BAZ2B: variants seen among roughly 807,000 people sequenced by gnomAD.
BAZ2B encodes the protein bromodomain adjacent to zinc finger domain 2B, also known as bromodomain adjacent to zinc finger domain protein 2B.
Under a neutral mutation model 246.0 loss-of-function variants are expected in BAZ2B, and 91 were observed. The ratio of observed to expected loss-of-function variants is 0.37; its 90% CI spans 0.31 to 0.44. The LOEUF (loss-of-function observed/expected upper bound fraction) is 0.44, where lower values mean the gene tolerates loss of function less well. Among genes scored for constraint, BAZ2B ranks in the 20% least tolerant of loss-of-function variants. The pLI is 1.00. For missense variants in BAZ2B, 2,332 were observed against 2,533.7 expected (o/e 0.92, Z 1.71); for synonymous variants, 855 against 860.0 (o/e 0.99, Z 0.10).
chr2:159,563,319 T>C (rs1311316398), intron 1 of BAZ2B, among the ~76,000 whole-genome samples: 1 of 152,178 alleles, frequency 6.6e-6, no homozygotes, highest in Non-Finnish European at 1.5e-5. Flanking sequence ...ATATTCATTA[T>C]GTACCTTAGG....
chr2:159,358,502 A>C (rs979754316), intron 27 of BAZ2B, among the ~76,000 whole-genome samples: 1 of 152,236 alleles, frequency 6.6e-6, no homozygotes, highest in Non-Finnish European at 1.5e-5. Context: ...AGACTCCCAC[A>C]CAATAATAGT....
chr2:159,427,046 A>G (rs140146439), intron 13 of BAZ2B, among the ~76,000 whole-genome samples: 136 of 152,296 alleles, frequency 8.9e-4, no homozygotes, highest in African/African-American at 3.1e-3. Flanking sequence ...TAATCTTGCC[A>G]TAATCCTATG....
chr2:159,448,443 T>C lies in BAZ2B; in HGVS notation c.335-34A>G. 2.6e-6 allele frequency: 4 copies of C among 1,517,330 alleles called. No homozygotes were observed. In the South Asian group the frequency reaches 4.0e-5, roughly 15 times the overall value. The allele number at this position is 1,517,330 out of a possible 1,614,324, so 94.0% of individuals were successfully genotyped here. ...CAAACAAACCAACCAAACAAAAATA[T>C]ATAAATTAACTTTCCAGTTAACGTC... On this transcript the variant is annotated intron_variant, in intron 4 of 36. Transcript: ENST00000392783.
intron 1 of BAZ2B, among the ~76,000 whole-genome samples, chr2:159,604,932 T>TTTTGTG (rs1553749948): frequency 1.6e-5 from 2 of 123,246 alleles, no homozygotes; most frequent in Non-Finnish European, 3.7e-5. Context: ...TTAATATATT[T>TTTTGTG]TGTGTGTGTG....
intron 1 of BAZ2B, among the ~76,000 whole-genome samples, chr2:159,610,879 T>C (rs1169959860): frequency 6.6e-6 from 1 of 152,094 alleles, no homozygotes; most frequent in African/African-American, 2.4e-5. Flanking sequence ...AAACTCAATG[T>C]TTAACTGTAA....
At chr2:159,389,196 G>C (rs1470718123) in intron 21 of BAZ2B, 149 bp downstream of exon 21, 2 of 790,466 alleles carry the variant, frequency 2.5e-6, no homozygotes, top group Non-Finnish European at 3.8e-6. Flanking sequence ...TAGCTATCTA[G>C]GAAAGGCAAA....
chr2:159,486,519 AC>A (rs1021618920), intron 2 of BAZ2B, among the ~76,000 whole-genome samples: 1 of 151,784 alleles, frequency 6.6e-6, no homozygotes, highest in African/African-American at 2.4e-5. Flanking sequence ...GGAACAATAT[AC>A]CTCTTAAAGA....
At chr2:159,669,134 A>C in the BAZ2B span, among the ~76,000 whole-genome samples, 89 of 152,188 alleles carry the variant, frequency 5.8e-4, no homozygotes, top group Non-Finnish European at 7.8e-4. Flanking sequence ...ACATTCCTCA[A>C]GTTTTGATCT....
rs375735326 is a variant in BAZ2B, at chr2:159,558,503, G to A, written c.-45-2638C>T. 8.5e-5 allele frequency among the ~76,000 whole-genome samples: 13 copies of A among 152,056 alleles called. No individual in the cohort carries two copies. In the East Asian group the frequency reaches 1.4e-3, roughly 16 times the overall value. On this transcript the variant is annotated intron_variant, in intron 1 of 36. Transcript: ENST00000392783. ...TTGAACTCCTGACCTCAGGTGATCC[G>A]CCTACCTCGGCCTCCCAAAGTGCTG...
chr2:159,513,076 CCTCATA>C (rs1274182957), intron 2 of BAZ2B, among the ~76,000 whole-genome samples: 1 of 152,066 alleles, frequency 6.6e-6, no homozygotes, highest in East Asian at 1.9e-4. Flanking sequence ...TATTAATCTC[CCTCATA>C]CTCAGTTTCT....
the BAZ2B span, among the ~76,000 whole-genome samples, chr2:159,697,966 A>G: frequency 2.6e-5 from 4 of 152,212 alleles, no homozygotes; most frequent in African/African-American, 9.7e-5. Flanking sequence ...TTAGGTAAGT[A>G]ACTTTGCCTC....
At chr2:159,430,364 T>G (rs2070857584) in intron 10 of BAZ2B, among the ~76,000 whole-genome samples, 1 of 152,242 alleles carries the variant, frequency 6.6e-6, no homozygotes, top group Non-Finnish European at 1.5e-5. Flanking sequence ...AACATTTTTC[T>G]TTTCTCTTTA....
chr2:159,699,611 A>G, the BAZ2B span, among the ~76,000 whole-genome samples: 1 of 152,212 alleles, frequency 6.6e-6, no homozygotes, highest in African/African-American at 2.4e-5. Flanking sequence ...AGAGCTTACA[A>G]TAAATCAGTG....
At chr2:159,547,289 T>G (rs2087497409) in intron 2 of BAZ2B, among the ~76,000 whole-genome samples, 2 of 152,288 alleles carry the variant, frequency 1.3e-5, no homozygotes, top group South Asian at 4.1e-4. Flanking sequence ...TGCATTCACA[T>G]AAGGACAGCT....
intron 2 of BAZ2B, among the ~76,000 whole-genome samples, chr2:159,482,864 A>T (rs1158527912): frequency 6.6e-6 from 1 of 152,198 alleles, no homozygotes; most frequent in African/African-American, 2.4e-5. Flanking sequence ...TTTTAGAAAA[A>T]TATATTCATT....
At chr2:159,399,171 A>T (rs34066625) in intron 17 of BAZ2B, among the ~76,000 whole-genome samples, 8 of 152,060 alleles carry the variant, frequency 5.3e-5, no homozygotes, top group Non-Finnish European at 2.9e-5. Flanking sequence ...GAAATAATTG[A>T]GTGTTTATGT....
chr2:159,710,343 G>T, the BAZ2B span, among the ~76,000 whole-genome samples: 5 of 151,856 alleles, frequency 3.3e-5, no homozygotes, highest in African/African-American at 1.2e-4. Context: ...CAAGTAGCAG[G>T]GACTACAGGC....
intron 2 of BAZ2B, among the ~76,000 whole-genome samples, chr2:159,511,706 C>A (rs1009368346): frequency 2.0e-5 from 3 of 152,026 alleles, no homozygotes; most frequent in Non-Finnish European, 2.9e-5. Context: ...AACACATACA[C>A]TACTATTTTT....
chr2:159,412,319 AC>A lies in BAZ2B; in HGVS notation c.2677+15del. ...TTTAGTATGATTATTAGTGTCAGAC[AC>A]ATTATGTTTCTTACCTTGAGCTTGC... On this transcript the variant is annotated intron_variant, in intron 14 of 36. Coordinates refer to ENST00000392783, the MANE Select transcript of BAZ2B (RefSeq NM_013450.4). 6.2e-7 allele frequency: 1 copy of A among 1,611,044 alleles called. No individual in the cohort carries two copies. Among genetic ancestry groups the A allele is most frequent in the Admixed American group, 1.7e-5 (1 of 60,000 alleles).
Sources: allele counts gnomAD v4.1 joint callset (sites outside exome capture counted in the v4.1 genomes callset), GRCh38; gene constraint gnomAD v4.1.1; transcripts MANE v1.5; gene names NCBI Gene and HGNC (gene_info 2026-07-23, HGNC 2026-07-21).